REDIC1: variants seen among roughly 807,000 people sequenced by gnomAD.
REDIC1 encodes HEI10 Interacting Protein 1.
chr12:39,685,413 A>C, the REDIC1 span, among the ~76,000 whole-genome samples: 1 of 152,082 alleles, frequency 6.6e-6, no homozygotes, highest in South Asian at 2.1e-4. Context: ...AGCAAGAGAG[A>C]GTGAGTAGGG....
At chr12:39,868,793 A>G in the REDIC1 span, among the ~76,000 whole-genome samples, 6 of 152,230 alleles carry the variant, frequency 3.9e-5, no homozygotes, top group African/African-American at 1.4e-4. Context: ...ACAAGCTTTG[A>G]AAATACAAAA....
At chr12:39,843,111 T>C in the REDIC1 span, among the ~76,000 whole-genome samples, 1 of 152,030 alleles carries the variant, frequency 6.6e-6, no homozygotes, top group South Asian at 2.1e-4. Context: ...AGATACGTGC[T>C]TTCAGTTCTC....
At chr12:39,648,926 A>C in the REDIC1 span, among the ~76,000 whole-genome samples, 1 of 151,794 alleles carries the variant, frequency 6.6e-6, no homozygotes. Context: ...CCTGTGACCC[A>C]TGCTAGCCTT....
At chr12:39,769,121 T>C in the REDIC1 span, among the ~76,000 whole-genome samples, 1 of 152,134 alleles carries the variant, frequency 6.6e-6, no homozygotes, top group Admixed American at 6.6e-5. Flanking sequence ...TGCCATTTTA[T>C]CTCAGTTGGT....
chr12:39,629,724 T>G, the REDIC1 span, among the ~76,000 whole-genome samples: 5 of 152,194 alleles, frequency 3.3e-5, no homozygotes, highest in Non-Finnish European at 7.4e-5. Flanking sequence ...TAACAGTGCA[T>G]TTCAAACCAG....
At chr12:39,835,836 G>A in the REDIC1 span, 1 of 152,006 alleles carries the variant, frequency 6.6e-6, no homozygotes, top group South Asian at 2.1e-4. Flanking sequence ...ATAATTTTAG[G>A]GGGTAGATGA....
At chr12:39,808,998 A>T in the REDIC1 span, among the ~76,000 whole-genome samples, 1 of 152,080 alleles carries the variant, frequency 6.6e-6, no homozygotes, top group East Asian at 1.9e-4. Context: ...GATGTCGCAA[A>T]GATTTCCTCC....
At chr12:39,878,326 C>T in the REDIC1 span, among the ~76,000 whole-genome samples, 1 of 152,112 alleles carries the variant, frequency 6.6e-6, no homozygotes, top group African/African-American at 2.4e-5. Context: ...GCTCAGAAGA[C>T]AGGAAGATCA....
chr12:39,725,771 A>G, the REDIC1 span, among the ~76,000 whole-genome samples: 1 of 151,518 alleles, frequency 6.6e-6, no homozygotes, highest in Admixed American at 6.6e-5. Context: ...CCTATGTATA[A>G]TTATATAATT....
the REDIC1 span, among the ~76,000 whole-genome samples, chr12:39,860,927 C>A: frequency 6.6e-6 from 1 of 152,186 alleles, no homozygotes; most frequent in Non-Finnish European, 1.5e-5. Flanking sequence ...AGGCACACCC[C>A]TGCTTAAAAT....
At chr12:39,682,720 A>T in the REDIC1 span, 1 of 1,613,348 alleles carries the variant, frequency 6.2e-7, no homozygotes, top group Non-Finnish European at 8.5e-7. Flanking sequence ...AAAACACTCA[A>T]TACAGCATAT....
At chr12:39,681,361 G>A in the REDIC1 span, among the ~76,000 whole-genome samples, 1 of 152,102 alleles carries the variant, frequency 6.6e-6, no homozygotes, top group South Asian at 2.1e-4. Flanking sequence ...CTATACATTG[G>A]GTACAGTGTA....
At chr12:39,732,423 G>T in the REDIC1 span, among the ~76,000 whole-genome samples, 2 of 152,042 alleles carry the variant, frequency 1.3e-5, no homozygotes, top group Non-Finnish European at 2.9e-5. Flanking sequence ...TAGGAGGCTC[G>T]TAATGTCTGT....
the REDIC1 span, among the ~76,000 whole-genome samples, chr12:39,709,446 A>G: frequency 6.6e-5 from 10 of 151,836 alleles, no homozygotes; most frequent in South Asian, 1.9e-3. Context: ...CCACATGCAC[A>G]TTGTTGTGCA....
At chr12:39,683,129 C>A in the REDIC1 span, 5 of 1,596,002 alleles carry the variant, frequency 3.1e-6, no homozygotes, top group South Asian at 5.6e-5. Flanking sequence ...CCAAGCAGCT[C>A]TGAAAGAAAA....
chr12:39,752,453 C>G, the REDIC1 span, among the ~76,000 whole-genome samples: 1 of 152,134 alleles, frequency 6.6e-6, no homozygotes, highest in Admixed American at 6.5e-5. Flanking sequence ...AAAAAATTGT[C>G]TTCCATGAAA....
At chr12:39,785,280 G>C in the REDIC1 span, among the ~76,000 whole-genome samples, 1 of 152,170 alleles carries the variant, frequency 6.6e-6, no homozygotes, top group Non-Finnish European at 1.5e-5. Context: ...CTGTGTCCCA[G>C]CTGCTCCAGC....
the REDIC1 span, among the ~76,000 whole-genome samples, chr12:39,868,280 G>A: frequency 6.6e-6 from 1 of 152,052 alleles, no homozygotes; most frequent in Non-Finnish European, 1.5e-5. Flanking sequence ...GATATAATTT[G>A]GCAAATAAAA....
At chr12:39,895,484 T>C in the REDIC1 span, among the ~76,000 whole-genome samples, 2 of 71,102 alleles carry the variant, frequency 2.8e-5, no homozygotes, top group Non-Finnish European at 2.5e-5. Context: ...AGCGAGACTC[T>C]GTCTCAAAAA....
Sources: gnomAD v4.1 joint callset for allele counts (sites outside exome capture counted in the v4.1 genomes callset) on GRCh38, gnomAD v4.1.1 for gene constraint, MANE v1.5 for transcripts, NCBI Gene and HGNC (gene_info 2026-07-23, HGNC 2026-07-21) for gene names.